The following SNX29 variants were observed in gnomAD, a reference collection of about 807,000 sequenced individuals.
SNX29 encodes sorting nexin 29.
In SNX29, 78 loss-of-function variants were observed where a neutral mutation model predicts 102.1. That is an observed-to-expected ratio of 0.76 (90% CI 0.64 to 0.92). SNX29 has a LOEUF of 0.92. SNX29 is among the 40% of genes least tolerant of loss of function. SNX29 has a pLI of 0.00. For missense variants in SNX29, 1,280 were observed against 1,061.7 expected (o/e 1.21, Z -2.86); for synonymous variants, 580 against 414.5 (o/e 1.40, Z -4.85).
chr16:12,133,440 C>T (rs1046755027), intron 13 of SNX29, among the ~76,000 whole-genome samples: 2 of 151,778 alleles, frequency 1.3e-5, no homozygotes, highest in Non-Finnish European at 2.9e-5. Context: ...CAGGCATGCA[C>T]CACCATAGCC....
At chr16:12,194,542 A>G (rs2076721811) in intron 13 of SNX29, among the ~76,000 whole-genome samples, 1 of 148,210 alleles carries the variant, frequency 6.7e-6, no homozygotes, top group Non-Finnish European at 1.5e-5. Context: ...GAATTGCTTG[A>G]CTCATTTTCA....
At chr16:12,472,611 A>G (rs768875715) in intron 18 of SNX29, among the ~76,000 whole-genome samples, 8 of 151,894 alleles carry the variant, frequency 5.3e-5, no homozygotes, top group Admixed American at 6.6e-5. Context: ...GGAGAGCACT[A>G]TTGATTAGAA....
intron 7 of SNX29, among the ~76,000 whole-genome samples, chr16:12,051,000 C>T (rs1466941695): frequency 1.3e-5 from 2 of 152,046 alleles, no homozygotes; most frequent in East Asian, 1.9e-4. Flanking sequence ...GGATTATAGG[C>T]GTGAGCCACC....
intron 14 of SNX29, among the ~76,000 whole-genome samples, chr16:12,247,832 G>A (rs1210714894): frequency 1.3e-5 from 2 of 152,194 alleles, no homozygotes; most frequent in Non-Finnish European, 2.9e-5. Flanking sequence ...ATGACCACAT[G>A]TGCTTCTTAG....
chr16:12,200,986 A>T (rs1567305239), intron 14 of SNX29, among the ~76,000 whole-genome samples: 1 of 152,200 alleles, frequency 6.6e-6, no homozygotes, highest in South Asian at 2.1e-4. Context: ...TTTTTGTGTG[A>T]TGGAGACAGG....
At chr16:12,350,946 G>T (rs1009336006) in intron 15 of SNX29, among the ~76,000 whole-genome samples, 2 of 152,162 alleles carry the variant, frequency 1.3e-5, no homozygotes, top group African/African-American at 4.8e-5. Flanking sequence ...CCTCTACTCT[G>T]CAGTACAAAT....
At chr16:12,562,620 C>T (rs141458372) in intron 20 of SNX29, among the ~76,000 whole-genome samples, 175 of 152,316 alleles carry the variant, frequency 1.1e-3, no homozygotes, top group African/African-American at 3.5e-3. Flanking sequence ...TTGAGAGCTA[C>T]AGGCTATCAG....
At chr16:12,227,994 A>G (rs1448369377) in intron 14 of SNX29, among the ~76,000 whole-genome samples, 1 of 147,608 alleles carries the variant, frequency 6.8e-6, no homozygotes, top group Non-Finnish European at 1.5e-5. Context: ...GAGAGGCAGG[A>G]TGTTGCTGGG....
At chr16:12,083,641 T>C (rs1007432030) in intron 11 of SNX29, among the ~76,000 whole-genome samples, 1 of 152,168 alleles carries the variant, frequency 6.6e-6, no homozygotes, top group Non-Finnish European at 1.5e-5. Flanking sequence ...ATTCAGTCCA[T>C]AGCATGAGTT....
intron 18 of SNX29, among the ~76,000 whole-genome samples, chr16:12,452,121 T>G (rs1401782625): frequency 2.0e-5 from 3 of 152,138 alleles, no homozygotes; most frequent in African/African-American, 7.2e-5. Context: ...ATCATGAGGC[T>G]TAAATGAGGT....
intron 20 of SNX29, among the ~76,000 whole-genome samples, chr16:12,555,023 C>G (rs1360960828): frequency 1.3e-5 from 2 of 151,986 alleles, no homozygotes; most frequent in Admixed American, 1.3e-4. Flanking sequence ...CAGGAGTGTG[C>G]CTGCCTGGTG....
chr16:12,429,172 A>AT (rs1187607287), intron 18 of SNX29, among the ~76,000 whole-genome samples: 2 of 152,224 alleles, frequency 1.3e-5, no homozygotes, highest in African/African-American at 4.8e-5. Flanking sequence ...ATCTCTTCCT[A>AT]GTTAGTCCCA....
At chr16:12,374,267 C>G (rs1275763764) in intron 16 of SNX29, 2 of 137,530 alleles carry the variant, frequency 1.5e-5, no homozygotes, top group African/African-American at 4.9e-5. Flanking sequence ...TGGTCACTGT[C>G]CCCTGGACTC....
At chr16:12,531,310 C>T (rs529404726) in intron 20 of SNX29, among the ~76,000 whole-genome samples, 1 of 152,324 alleles carries the variant, frequency 6.6e-6, no homozygotes, top group African/African-American at 2.4e-5. Context: ...GGGGCTGGAG[C>T]CCTGGCAGGT....
chr16:12,429,760 T>A (rs753015265), intron 18 of SNX29, among the ~76,000 whole-genome samples: 2 of 152,252 alleles, frequency 1.3e-5, no homozygotes, highest in Non-Finnish European at 2.9e-5. Context: ...ACCATGTTGC[T>A]CTTCAGGCTT....
intron 18 of SNX29, among the ~76,000 whole-genome samples, chr16:12,441,840 G>A (rs376948139): frequency 4.6e-5 from 7 of 152,256 alleles, no homozygotes; most frequent in South Asian, 2.1e-4. Context: ...CCAGGCTGGC[G>A]TGCAGTGGCG....
intron 18 of SNX29, among the ~76,000 whole-genome samples, chr16:12,475,361 A>G (rs1277185610): frequency 6.6e-6 from 1 of 152,198 alleles, no homozygotes; most frequent in African/African-American, 2.4e-5. Flanking sequence ...AAAAATAACA[A>G]TAATGACTTC....
chr16:12,406,637 A>G (rs1018082730), intron 18 of SNX29, among the ~76,000 whole-genome samples: 1 of 152,122 alleles, frequency 6.6e-6, no homozygotes, highest in South Asian at 2.1e-4. Context: ...ATCAATTAAA[A>G]TGGCTCATGC....
intron 18 of SNX29, among the ~76,000 whole-genome samples, chr16:12,418,448 G>C (rs181426528): frequency 1.5e-3 from 227 of 152,100 alleles, no homozygotes; most frequent in African/African-American, 5.3e-3. Context: ...GTCTGGCTGT[G>C]GTCTTAGGGT....
Sources: gnomAD v4.1 joint callset for allele counts (sites outside exome capture counted in the v4.1 genomes callset) on GRCh38, gnomAD v4.1.1 for gene constraint, MANE v1.5 for transcripts, NCBI Gene and HGNC (gene_info 2026-07-23, HGNC 2026-07-21) for gene names.